RSF1: variants seen among roughly 807,000 people sequenced by gnomAD.
RSF1 encodes remodeling and spacing factor 1.
Under a neutral mutation model 145.2 loss-of-function variants are expected in RSF1, and 13 were observed. The ratio of observed to expected loss-of-function variants is 0.09; its 90% CI spans 0.06 to 0.14. RSF1 has a LOEUF of 0.14. RSF1 is among the 10% of genes least tolerant of loss of function. The pLI is 1.00. For synonymous variants in RSF1, 577 were observed against 592.6 expected, an observed-to-expected ratio of 0.97 and a Z score of 0.38; for missense variants, 1,517 against 1,718.2, an observed-to-expected ratio of 0.88 and a Z score of 2.07.
chr11:77,736,261 T>C (rs1056355740), intron 4 of RSF1, among the ~76,000 whole-genome samples: 9 of 152,236 alleles, frequency 5.9e-5, no homozygotes, highest in African/African-American at 2.2e-4. Flanking sequence ...GGCTCAGCCT[T>C]TGAGATATTC....
At chr11:77,712,059 C>A (rs1028992785) in intron 5 of RSF1, among the ~76,000 whole-genome samples, 7 of 152,102 alleles carry the variant, frequency 4.6e-5, no homozygotes, top group African/African-American at 1.4e-4. Context: ...ACAAAAGTTA[C>A]GTTGTGCTTT....
chr11:77,679,929 G>A (rs1959813539), intron 11 of RSF1, among the ~76,000 whole-genome samples: 1 of 152,070 alleles, frequency 6.6e-6, no homozygotes, highest in East Asian at 1.9e-4. Flanking sequence ...TTAAATCTAC[G>A]CTAAAAATGG....
chr11:77,753,261 G>A (rs530620205), intron 2 of RSF1, among the ~76,000 whole-genome samples: 7 of 152,210 alleles, frequency 4.6e-5, no homozygotes, highest in African/African-American at 1.2e-4. Context: ...TAACAAAATC[G>A]CCTTTGCAAA....
intron 5 of RSF1, among the ~76,000 whole-genome samples, chr11:77,720,265 A>G (rs1960913433): frequency 6.6e-6 from 1 of 152,180 alleles, no homozygotes; most frequent in Non-Finnish European, 1.5e-5. Context: ...GAAGTGCATG[A>G]CTGTAAAAAT....
At chr11:77,773,242 G>A (rs1475115436) in intron 1 of RSF1, among the ~76,000 whole-genome samples, 1 of 151,866 alleles carries the variant, frequency 6.6e-6, no homozygotes, top group African/African-American at 2.4e-5. Context: ...TTTATTTAAC[G>A]GTGGTAAAAT....
At chr11:77,761,811 T>G (rs1310341218) in intron 2 of RSF1, among the ~76,000 whole-genome samples, 4 of 147,830 alleles carry the variant, frequency 2.7e-5, no homozygotes, top group African/African-American at 9.9e-5. Context: ...ACTGCTAGTT[T>G]AAATTTCCAT....
Position 77,785,882 on chromosome 11 carries a change from C to T in RSF1, c.188-21193G>A, listed in dbSNP as rs558778854. Among the ~76,000 whole-genome samples, 116 of 131,184 alleles carry T rather than the reference C, an allele frequency of 8.8e-4. 1 individual carries two copies. In the Middle Eastern group the frequency reaches 0.029, roughly 33 times the overall value. 86.1% of individuals were successfully genotyped at this position (131,184 alleles called of 152,430 possible). Reference sequence around the variant, plus strand: ...CAGAGCTTGCAGCGAGCCGAGATCGCGCCACTGCACTCCAACCTGGGCGAC... The same window carrying T: ...CAGAGCTTGCAGCGAGCCGAGATCGTGCCACTGCACTCCAACCTGGGCGAC... On this transcript the variant is annotated intron_variant, in intron 1 of 15. Coordinates refer to ENST00000308488, the MANE Select transcript of RSF1 (RefSeq NM_016578.4).
chr11:77,809,518 T>C (rs1948710842), intron 1 of RSF1, among the ~76,000 whole-genome samples: 2 of 151,914 alleles, frequency 1.3e-5, no homozygotes, highest in African/African-American at 2.4e-5. Context: ...TAATAGAAGA[T>C]AGGGTATAAA....
intron 1 of RSF1, among the ~76,000 whole-genome samples, chr11:77,768,873 C>T (rs571697569): frequency 2.6e-5 from 4 of 152,068 alleles, no homozygotes; most frequent in Admixed American, 2.0e-4. Context: ...CCAGGATGAT[C>T]GAAATGTTCT....
rs7950873 is a variant in RSF1 at position 77,701,806 on chromosome 11, A to G, written c.1423T>C (p.Ser475Pro). The stretch of plus-strand genomic sequence containing the variant: ...TCCGTGATGATATTTCTGTCCTTAG[A>G]GGGGCTATAGCTCTCTTCCTTTGTC... Reference protein sequence around the residue: ...YETKEESYSPSKDRNIITEGN... With the variant: ...YETKEESYSPPKDRNIITEGN... Residue 475 changes from serine (S) to proline (P), a missense_variant, in exon 6 of 16, where the codon TCT (serine) becomes CCT (proline). Ser to Pro is a moderately conservative substitution (Grantham distance 74). Around this residue, in one of 12 missense-constraint regions of RSF1, gnomAD observed 579 missense variants for 553.5 expected, o/e 1.05. Coordinates refer to ENST00000308488, the MANE Select transcript of RSF1 (RefSeq NM_016578.4). 0.22 allele frequency: 352,802 copies of G among 1,613,746 alleles called. 41,116 individuals are homozygous for G. The highest frequency in any genetic ancestry group is 0.25 in the Middle Eastern group (1,505 of 6,060).
the RSF1 span, among the ~76,000 whole-genome samples, chr11:77,858,849 C>T: frequency 2.6e-5 from 4 of 152,126 alleles, no homozygotes; most frequent in African/African-American, 9.7e-5. Context: ...ATTTGAAGAA[C>T]GATTTGTAGT....
chr11:77,812,484 T>C (rs1006060072), intron 1 of RSF1, among the ~76,000 whole-genome samples: 4 of 152,214 alleles, frequency 2.6e-5, no homozygotes, highest in Admixed American at 1.3e-4. Context: ...ATGAGCCATA[T>C]ATACATTATA....
intron 1 of RSF1, among the ~76,000 whole-genome samples, chr11:77,768,922 GTGTCTACTGAGAAGCTGAAA>G (rs1413340681): frequency 2.6e-5 from 4 of 152,196 alleles, no homozygotes; most frequent in Non-Finnish European, 5.9e-5. Context: ...TTAGCCACAT[GTGTCTACTGAGAAGCTGAAA>G]TGTGGCTAAT....
intron 1 of RSF1, among the ~76,000 whole-genome samples, chr11:77,800,444 A>T (rs1040260458): frequency 6.6e-6 from 1 of 152,098 alleles, no homozygotes; most frequent in Non-Finnish European, 1.5e-5. Context: ...GTGAGCTGAG[A>T]TCACACCACT....
intron 1 of RSF1, among the ~76,000 whole-genome samples, chr11:77,785,464 C>T (rs1428190495): frequency 1.3e-5 from 2 of 152,274 alleles, no homozygotes; most frequent in African/African-American, 4.8e-5. Context: ...GTGGCATACA[C>T]CTGTAATCCC....
At chr11:77,715,521 C>T (rs1960786865) in intron 5 of RSF1, among the ~76,000 whole-genome samples, 1 of 152,122 alleles carries the variant, frequency 6.6e-6, no homozygotes, top group African/African-American at 2.4e-5. Context: ...AATCTTGGCT[C>T]ACTGCAACCT....
Position 77,693,589 on chromosome 11 carries a change from T to C in RSF1, c.2738A>G (p.Asp913Gly). 1 of 1,613,578 alleles carries C rather than the reference T, an allele frequency of 6.2e-7. No homozygotes were observed. Among genetic ancestry groups the C allele is most frequent in the Non-Finnish European group, 8.5e-7 (1 of 1,179,684 alleles). Residue 913 changes from aspartate (D) to glycine (G), a missense_variant, in exon 8 of 16, where the codon GAT (aspartate) becomes GGT (glycine). By Grantham distance (94) the Asp-to-Gly change is moderately conservative. Around this residue, in one of 12 missense-constraint regions of RSF1, gnomAD observed 29 missense variants for 102.3 expected, o/e 0.28. Coordinates refer to ENST00000308488, the MANE Select transcript of RSF1 (RefSeq NM_016578.4). Reference sequence around the variant, plus strand: ...AAGGCAGGCAGTATGGTATCCACTATCGCAAGAGTCACACAGAAGAATCTG... The same window carrying C: ...AAGGCAGGCAGTATGGTATCCACTACCGCAAGAGTCACACAGAAGAATCTG... ...PELILLCDSCDSGYHTACLRP... is the reference protein window; with the variant it reads ...PELILLCDSCGSGYHTACLRP...
chr11:77,798,392 C>T (rs1948593270), intron 1 of RSF1, among the ~76,000 whole-genome samples: 1 of 151,582 alleles, frequency 6.6e-6, no homozygotes, highest in Non-Finnish European at 1.5e-5. Context: ...CGAGATCAGC[C>T]TGGCCAACTT....
chr11:77,868,532 T>C, the RSF1 span, among the ~76,000 whole-genome samples: 11 of 151,278 alleles, frequency 7.3e-5, no homozygotes, highest in African/African-American at 2.7e-4. Flanking sequence ...CTAATTTTTG[T>C]ATTTTTAGTT....
Sources: allele counts gnomAD v4.1 joint callset (sites outside exome capture counted in the v4.1 genomes callset), GRCh38; gene constraint gnomAD v4.1.1; regional missense constraint gnomAD v4.1.1; transcripts MANE v1.5; gene names NCBI Gene and HGNC (gene_info 2026-07-23, HGNC 2026-07-21).